CNTN4: variants seen among roughly 807,000 people sequenced by gnomAD.
The protein encoded by CNTN4 is contactin 4.
CNTN4 carries 77 observed loss-of-function variants against 122.5 expected under a neutral mutation model. The observed-to-expected ratio is 0.63, with a 90% CI of 0.52 to 0.76. The LOEUF (loss-of-function observed/expected upper bound fraction) is 0.76, where lower values mean the gene tolerates loss of function less well. Among genes scored for constraint, CNTN4 ranks in the 30% least tolerant of loss-of-function variants. CNTN4 has a pLI of 0.00. For synonymous variants in CNTN4, 512 were observed against 447.0 expected (o/e 1.15, Z -1.83); for missense variants, 1,256 against 1,259.1 (o/e 1.00, Z 0.04).
intron 13 of CNTN4, among the ~76,000 whole-genome samples, chr3:2,930,688 G>T (rs554003749): frequency 1.3e-5 from 2 of 152,116 alleles, no homozygotes; most frequent in South Asian, 2.1e-4. Flanking sequence ...TCTGCATGTC[G>T]CAGGCTTGGG....
At chr3:2,893,686 G>T (rs2094072041) in intron 10 of CNTN4, among the ~76,000 whole-genome samples, 1 of 152,070 alleles carries the variant, frequency 6.6e-6, no homozygotes, top group Non-Finnish European at 1.5e-5. Context: ...TCATATCAAG[G>T]ACAATATATT....
intron 23 of CNTN4, among the ~76,000 whole-genome samples, chr3:3,045,001 G>T (rs1168527351): frequency 6.6e-6 from 1 of 152,194 alleles, no homozygotes; most frequent in Non-Finnish European, 1.5e-5. Flanking sequence ...CCCATGCCCG[G>T]CTCAGAGGGT....
At chr3:2,736,455 A>G in intron 5 of CNTN4, 114 bp downstream of exon 5, 1 of 555,228 alleles carries the variant, frequency 1.8e-6, no homozygotes, top group Non-Finnish European at 2.5e-6. Context: ...ATTTTATTTT[A>G]TTTTATTTTA....
At chr3:2,159,146 TGAGA>T (rs1327390272) in intron 2 of CNTN4, among the ~76,000 whole-genome samples, 1 of 152,158 alleles carries the variant, frequency 6.6e-6, no homozygotes, top group African/African-American at 2.4e-5. Flanking sequence ...GGATCTGATC[TGAGA>T]GAGAGTTGTG....
chr3:2,787,043 A>G (rs2091856608), intron 6 of CNTN4, among the ~76,000 whole-genome samples: 1 of 152,218 alleles, frequency 6.6e-6, no homozygotes, highest in Admixed American at 6.5e-5. Context: ...ATACAGTTTG[A>G]TCTTAATAGT....
intron 4 of CNTN4, among the ~76,000 whole-genome samples, chr3:2,628,190 G>A (rs1163687181): frequency 6.6e-6 from 1 of 152,170 alleles, no homozygotes; most frequent in Non-Finnish European, 1.5e-5. Context: ...AGCATATTAA[G>A]ACAGTTTTGA....
At chr3:2,343,330 C>G (rs2044278353) in intron 3 of CNTN4, among the ~76,000 whole-genome samples, 2 of 152,172 alleles carry the variant, frequency 1.3e-5, no homozygotes, top group African/African-American at 4.8e-5. Context: ...CTCCTGCAAC[C>G]AGTCACACTG....
At chr3:2,240,604 T>C (rs1046563176) in intron 2 of CNTN4, among the ~76,000 whole-genome samples, 2 of 152,138 alleles carry the variant, frequency 1.3e-5, no homozygotes, top group African/African-American at 2.4e-5. Context: ...AGGTGAACAA[T>C]AGTTAGACAG....
chr3:2,772,277 G>A (rs904647661), intron 6 of CNTN4, among the ~76,000 whole-genome samples: 36 of 151,736 alleles, frequency 2.4e-4, no homozygotes, highest in South Asian at 2.1e-4. Context: ...TTCCAATATC[G>A]CAGGCAAGAA....
chr3:2,232,465 G>GT (rs1386090341), intron 2 of CNTN4, among the ~76,000 whole-genome samples: 1 of 152,044 alleles, frequency 6.6e-6, no homozygotes, highest in Non-Finnish European at 1.5e-5. Flanking sequence ...TACAATGCAA[G>GT]TTTTTTTAAT....
intron 2 of CNTN4, among the ~76,000 whole-genome samples, chr3:2,262,628 T>C (rs1043726737): frequency 2.8e-5 from 1 of 35,510 alleles, no homozygotes; most frequent in Non-Finnish European, 7.5e-5. Flanking sequence ...TGCTGTTCCG[T>C]GTTTTTTTTT....
At chr3:2,351,763 T>TA (rs2044633171) in intron 3 of CNTN4, among the ~76,000 whole-genome samples, 1 of 147,432 alleles carries the variant, frequency 6.8e-6, no homozygotes. Flanking sequence ...TTATGAAATC[T>TA]AAAAAAACTG....
At chr3:2,340,719 A>AGAGAGAGAGAGG (rs1366990190) in intron 3 of CNTN4, among the ~76,000 whole-genome samples, 5 of 134,858 alleles carry the variant, frequency 3.7e-5, no homozygotes, top group African/African-American at 1.3e-4. Context: ...ATAGAGAGAG[A>AGAGAGAGAGAGG]GAGAGAGAGA....
intron 2 of CNTN4, among the ~76,000 whole-genome samples, chr3:2,252,659 C>G (rs894567992): frequency 6.6e-6 from 1 of 152,022 alleles, no homozygotes; most frequent in Admixed American, 6.6e-5. Context: ...GATTTAGAAT[C>G]CTGTCTACTA....
chr3:2,367,490 G>A (rs947534281), intron 3 of CNTN4, among the ~76,000 whole-genome samples: 1 of 152,086 alleles, frequency 6.6e-6, no homozygotes, highest in Non-Finnish European at 1.5e-5. Context: ...TTCTACTGAT[G>A]GAAAAATGTC....
chr3:2,847,448 G>C (rs1318046778), intron 7 of CNTN4, among the ~76,000 whole-genome samples: 1 of 152,236 alleles, frequency 6.6e-6, no homozygotes, highest in Non-Finnish European at 1.5e-5. Context: ...GTGATCTGAA[G>C]TGTTGCAAGA....
At chr3:2,462,414 C>G (rs1270423976) in intron 3 of CNTN4, among the ~76,000 whole-genome samples, 6 of 152,112 alleles carry the variant, frequency 3.9e-5, no homozygotes, top group African/African-American at 1.2e-4. Flanking sequence ...AATGGGAACT[C>G]AGTTGGAGAA....
chr3:2,479,019 C>G (rs1302419216), intron 3 of CNTN4, among the ~76,000 whole-genome samples: 1 of 152,040 alleles, frequency 6.6e-6, no homozygotes. Context: ...ACTGCATATT[C>G]TCTTATTTAA....
chr3:2,297,447 A>G (rs1471540218), intron 2 of CNTN4, among the ~76,000 whole-genome samples: 2 of 152,178 alleles, frequency 1.3e-5, no homozygotes, highest in Non-Finnish European at 2.9e-5. Flanking sequence ...TTGCTTTTGA[A>G]AACAGTGAGA....
Sources: gnomAD v4.1 joint callset for allele counts (sites outside exome capture counted in the v4.1 genomes callset) on GRCh38, gnomAD v4.1.1 for gene constraint, MANE v1.5 for transcripts, NCBI Gene and HGNC (gene_info 2026-07-23, HGNC 2026-07-21) for gene names.